The following FAT3 variants were observed in gnomAD, a reference collection of about 807,000 sequenced individuals.
FAT3 encodes protocadherin Fat 3.
In FAT3, 95 loss-of-function variants were observed where a neutral mutation model predicts 310.2. That is an observed-to-expected ratio of 0.31 (90% CI 0.26 to 0.36). FAT3 has a LOEUF of 0.36. FAT3 is among the 10% of genes least tolerant of loss of function. The pLI is 1.00. For missense variants in FAT3, 5,408 were observed against 5,715.6 expected, an observed-to-expected ratio of 0.95 and a Z score of 1.74; for synonymous variants, 2,314 against 2,192.9, an observed-to-expected ratio of 1.06 and a Z score of -1.54.
At chr11:92,604,079 TC>T (rs1683252082) in intron 3 of FAT3, among the ~76,000 whole-genome samples, 1 of 152,226 alleles carries the variant, frequency 6.6e-6, no homozygotes, top group Admixed American at 6.5e-5. Flanking sequence ...GAGGTCCTCC[TC>T]AACATTTGGA....
At chr11:92,463,429 TC>T in intron 2 of FAT3, among the ~76,000 whole-genome samples, 1 of 152,290 alleles carries the variant, frequency 6.6e-6, no homozygotes, top group Non-Finnish European at 1.5e-5. Context: ...CTGGGAAACA[TC>T]CTGAAACCCT....
In FAT3 at chr11:92,818,705, C is replaced by T. The variant is rs115784216; in HGVS notation, c.9481+8629C>T. Among the ~76,000 whole-genome samples the T allele has an allele frequency of 6.6e-3, 1,009 of 152,296 alleles. 19 individuals are homozygous for T. The highest frequency in any genetic ancestry group is 0.023 in the African/African-American group (969 of 41,566). ...TTCTCCGAGCCTTTAGTTTCCTCTTCTGTAATGTAAGAATGACAGTAATGT... is the reference window on the plus strand; with the variant it reads ...TTCTCCGAGCCTTTAGTTTCCTCTTTTGTAATGTAAGAATGACAGTAATGT... On this transcript the variant is annotated intron_variant, in intron 13 of 27. Transcript: ENST00000525166.
chr11:92,799,119 C>A lies in FAT3; in HGVS notation c.6106C>A (p.Gln2036Lys), dbSNP rs1430155733. 6.2e-7 allele frequency: 1 copy of A among 1,613,956 alleles called. No individual in the cohort carries two copies. Among genetic ancestry groups the A allele is most frequent in the Non-Finnish European group, 8.5e-7 (1 of 1,179,876 alleles). Reference sequence around the variant, plus strand: ...GATAAAATCTACCTCAGGGGTCATTCAGACGACTGGAGTCCCCTTTGACCG... The same window carrying A: ...GATAAAATCTACCTCAGGGGTCATTAAGACGACTGGAGTCCCCTTTGACCG... ...FKIKSTSGVI[Q>K]TTGVPFDREE... Residue 2036 changes from glutamine to lysine, a missense_variant, in exon 10 of 28, where the codon CAG becomes AAG. Around this residue, in one of 5 missense-constraint regions of FAT3, gnomAD observed 4,588 missense variants for 4,809.8 expected, o/e 0.95. Coordinates refer to ENST00000525166, the MANE Select transcript of FAT3 (RefSeq NM_001367949.2).
At chr11:92,351,278 CCTTGAT>C (rs1948558264) in intron 1 of FAT3, among the ~76,000 whole-genome samples, 1 of 152,024 alleles carries the variant, frequency 6.6e-6, no homozygotes, top group Non-Finnish European at 1.5e-5. Context: ...TATTCATAAA[CCTTGAT>C]CAGTTTAAAA....
intron 2 of FAT3, among the ~76,000 whole-genome samples, chr11:92,516,331 A>G (rs916333574): frequency 1.3e-5 from 2 of 152,180 alleles, no homozygotes; most frequent in African/African-American, 4.8e-5. Flanking sequence ...AGGCTGGTTC[A>G]ACATATGCAA....
At chr11:92,672,537 G>A (rs1302141766) in intron 3 of FAT3, among the ~76,000 whole-genome samples, 8 of 152,206 alleles carry the variant, frequency 5.3e-5, no homozygotes, top group Admixed American at 5.2e-4. Flanking sequence ...CAAAGTAGCA[G>A]AATGAGGGCA....
At chr11:92,317,114 G>C (rs533675840) in intron 1 of FAT3, among the ~76,000 whole-genome samples, 19 of 152,254 alleles carry the variant, frequency 1.2e-4, no homozygotes, top group African/African-American at 3.8e-4. Context: ...GAGTGCAGCT[G>C]TCAGAATTAA....
At chr11:92,779,052 A>C (rs1946670941) in intron 7 of FAT3, among the ~76,000 whole-genome samples, 1 of 152,142 alleles carries the variant, frequency 6.6e-6, no homozygotes, top group African/African-American at 2.4e-5. Context: ...GGTTTCTGGC[A>C]CAGGGGGATG....
intron 18 of FAT3, 101 bp downstream of exon 18, chr11:92,840,860 A>G: frequency 2.7e-6 from 3 of 1,111,524 alleles, no homozygotes; most frequent in Non-Finnish European, 3.7e-6. Flanking sequence ...AGTCAACATA[A>G]TTCATTACCA....
intron 1 of FAT3, among the ~76,000 whole-genome samples, chr11:92,315,512 T>TATAGAGAGAG (rs1353970811): frequency 2.1e-4 from 12 of 56,170 alleles, no homozygotes; most frequent in Non-Finnish European, 3.3e-4. Flanking sequence ...TATATATATA[T>TATAGAGAGAG]AGAGAGAGAG....
chr11:92,548,059 G>C (rs139107507), intron 3 of FAT3, among the ~76,000 whole-genome samples: 1 of 152,280 alleles, frequency 6.6e-6, no homozygotes, highest in East Asian at 1.9e-4. Context: ...TTCCAGATGA[G>C]ACCTTAGAGT....
chr11:92,352,048 T>G, intron 1 of FAT3, 48 bp from the exon 2 acceptor site: 1 of 1,190,462 alleles, frequency 8.4e-7, no homozygotes, highest in South Asian at 1.7e-5. Context: ...CTCCCCCTTC[T>G]TCTAGGATGG....
intron 3 of FAT3, among the ~76,000 whole-genome samples, chr11:92,545,328 A>G (rs1403021893): frequency 6.6e-6 from 1 of 152,174 alleles, no homozygotes; most frequent in African/African-American, 2.4e-5. Flanking sequence ...AACAAGGTAT[A>G]TATGTGACCT....
chr11:92,311,945 C>T lies in FAT3; in HGVS notation c.-17-40151C>T, dbSNP rs1048613289. On this transcript the variant is annotated intron_variant, in intron 1 of 27. Coordinates refer to ENST00000525166, the MANE Select transcript of FAT3 (RefSeq NM_001367949.2). The stretch of plus-strand genomic sequence containing the variant: ...CCCATGAAAACCTTAAACATTTCCC[C>T]TTCCACATTTTATCCCAATCATCTA... 3.3e-5 allele frequency among the ~76,000 whole-genome samples: 5 copies of T among 152,224 alleles called. No homozygotes were observed. In the Middle Eastern group the frequency reaches 0.01, roughly 313 times the overall value.
intron 3 of FAT3, among the ~76,000 whole-genome samples, chr11:92,588,759 T>C (rs568636112): frequency 6.6e-6 from 1 of 151,706 alleles, no homozygotes; most frequent in East Asian, 2.0e-4. Flanking sequence ...GCAAATAGTA[T>C]GTGACACATT....
At chr11:92,804,478 G>A (rs191356567) in intron 10 of FAT3, among the ~76,000 whole-genome samples, 2 of 152,060 alleles carry the variant, frequency 1.3e-5, no homozygotes, top group African/African-American at 4.8e-5. Context: ...CCATGCTTCA[G>A]CATCTTAGAA....
At chr11:92,326,961 A>G (rs1023807631) in intron 1 of FAT3, among the ~76,000 whole-genome samples, 1 of 152,144 alleles carries the variant, frequency 6.6e-6, no homozygotes, top group Non-Finnish European at 1.5e-5. Flanking sequence ...TTATCCTACT[A>G]TTGCACTTGA....
intron 7 of FAT3, among the ~76,000 whole-genome samples, chr11:92,780,900 C>T (rs1946729578): frequency 6.6e-6 from 1 of 152,000 alleles, no homozygotes; most frequent in Non-Finnish European, 1.5e-5. Context: ...AGCACCTTTC[C>T]CCATACATCT....
intron 13 of FAT3, among the ~76,000 whole-genome samples, chr11:92,811,918 G>T (rs1947683924): frequency 6.6e-6 from 1 of 152,180 alleles, no homozygotes; most frequent in African/African-American, 2.4e-5. Context: ...AGACAGCTGA[G>T]GAAGAACCAA....
Sources: gnomAD v4.1 joint callset for allele counts (sites outside exome capture counted in the v4.1 genomes callset) on GRCh38, gnomAD v4.1.1 for gene constraint, gnomAD v4.1.1 regional missense constraint, MANE v1.5 for transcripts, NCBI Gene and HGNC (gene_info 2026-07-23, HGNC 2026-07-21) for gene names.